Variants in TFR2 observed in about 807,000 individuals in gnomAD.
The protein encoded by TFR2 is transferrin receptor protein 2.
In TFR2, 64 loss-of-function variants were observed where a neutral mutation model predicts 91.9. That is an observed-to-expected ratio of 0.70 (90% CI 0.57 to 0.86). The LOEUF is 0.86. Ranked by LOEUF, TFR2 falls within the 40% of genes least tolerant of loss-of-function variation. The pLI is 0.00. For synonymous variants in TFR2, 454 were observed against 459.6 expected, an observed-to-expected ratio of 0.99 and a Z score of 0.15; for missense variants, 950 against 1,080.5, an observed-to-expected ratio of 0.88 and a Z score of 1.69.
In TFR2 at chr7:100,640,669, G is replaced by T; in HGVS notation, c.473+17C>A. ...GGAGGGACACTCGAGAACAGGATGG[G>T]GCAGGGCCATCCCTACCTGATGGTG... On this transcript the variant is annotated intron_variant, in intron 3 of 17. Transcript: ENST00000223051. 1 of 1,610,420 alleles carries T rather than the reference G, an allele frequency of 6.2e-7. No individual in the cohort carries two copies. The highest frequency in any genetic ancestry group is 8.5e-7 in the Non-Finnish European group (1 of 1,179,572).
chr7:100,631,074 A>G, intron 8 of TFR2, 22 bp from the exon 9 acceptor site: 1 of 1,537,264 alleles, frequency 6.5e-7, no homozygotes, highest in Non-Finnish European at 8.7e-7. Context: ...GAAGGCAGAA[A>G]GGGGGAAGTT....
chr7:100,629,134 G>T, intron 10 of TFR2, 119 bp downstream of exon 10: 2 of 1,310,116 alleles, frequency 1.5e-6, no homozygotes, highest in Non-Finnish European at 2.2e-6. Context: ...CAATGTGGAT[G>T]CCGAGGTCCA....
rs774991526 is a variant in TFR2 at position 100,629,299 on chromosome 7, A to G, written c.1344T>C (p.Ala448=). The G allele has an allele frequency of 7.9e-5, 128 of 1,613,990 alleles. No homozygotes were observed. Among genetic ancestry groups the G allele is most frequent in the Non-Finnish European group, 1.0e-4 (120 of 1,179,982 alleles). ...AGGTCCGCACCAGCTCCAGGAGTAT[A>G]GCCGTCCCCACAGCGGATTTAGCTG... ...PGAAKSAVGT[A]ILLELVRTFS... is the part of the protein sequence containing the mutation. Residue 448 remains alanine, a synonymous_variant, in exon 10 of 18, where the codon GCT becomes GCC. Coordinates refer to ENST00000223051, the MANE Select transcript of TFR2 (RefSeq NM_003227.4).
chr7:100,640,383 G>T, intron 3 of TFR2: 1 of 393,548 alleles, frequency 2.5e-6, no homozygotes, highest in East Asian at 4.5e-5. Context: ...CCTGGGTGAG[G>T]CATTCAAGGC....
chr7:100,641,311 TGGG>T, intron 1 of TFR2, 83 bp from the exon 2 acceptor site: 1 of 817,170 alleles, frequency 1.2e-6, no homozygotes, highest in Non-Finnish European at 1.6e-6. Context: ...GTCAGTGACT[TGGG>T]GGTGTCAAAT....
At chr7:100,628,693 C>T (rs1332222427) in intron 10 of TFR2, among the ~76,000 whole-genome samples, 5 of 152,102 alleles carry the variant, frequency 3.3e-5, no homozygotes, top group African/African-American at 1.2e-4. Flanking sequence ...TGAGCCATCA[C>T]GTCCAGCCCA....
rs1195559103 is a variant in TFR2, at chr7:100,633,680, G to C, written c.474-124C>G. Reference sequence around the variant, plus strand: ...CGAGGGGTTCCTGAGTTTAGGAAAAGAGCGCTCCCCGCGGACGCTTTTTTT... The same window carrying C: ...CGAGGGGTTCCTGAGTTTAGGAAAACAGCGCTCCCCGCGGACGCTTTTTTT... On this transcript the variant is annotated intron_variant, in intron 3 of 17. Coordinates refer to ENST00000223051, the MANE Select transcript of TFR2 (RefSeq NM_003227.4). The C allele has an allele frequency of 1.3e-4, 90 of 709,096 alleles. No homozygotes were observed. The African/African-American group carries it at 1.7e-3, about 13-fold the overall frequency. The allele number at this position is 709,096 out of a possible 1,614,324, so 43.9% of individuals were successfully genotyped here. A position where few individuals can be genotyped will look rare whatever the true frequency, so the allele number is the denominator to read the frequency against.
chr7:100,632,257 G>A, intron 6 of TFR2, 59 bp from the exon 7 acceptor site: 1 of 1,467,282 alleles, frequency 6.8e-7, no homozygotes, highest in Non-Finnish European at 9.6e-7. Flanking sequence ...CATAAGGGCA[G>A]GAGAAACCAG....
Position 100,637,821 on chromosome 7 carries a change from A to C in TFR2, c.473+2865T>G, listed in dbSNP as rs559004503. On this transcript the variant is annotated intron_variant, in intron 3 of 17. Coordinates refer to ENST00000223051, the MANE Select transcript of TFR2 (RefSeq NM_003227.4). ...GAGCAAGGCCCTGTCTCAAAAAAAA[A>C]TTAATGTAATTTAATTTTTTTTTTT... is the stretch of plus-strand genomic sequence containing the variant. Among the ~76,000 whole-genome samples, 13 of 110,722 alleles carry C rather than the reference A, an allele frequency of 1.2e-4. No homozygotes were observed. The South Asian group carries it at 3.7e-3, about 31-fold the overall frequency. The allele number at this position is 110,722 out of a possible 152,430, so 72.6% of individuals were successfully genotyped here. A position where few individuals can be genotyped will look rare whatever the true frequency, so the allele number is the denominator to read the frequency against.
Position 100,627,559 on chromosome 7 carries a change from AG to A in TFR2, c.1767+17del, listed in dbSNP as rs1043764677. The A allele has an allele frequency of 6.2e-7, 1 of 1,614,002 alleles. No individual in the cohort carries two copies. The highest frequency in any genetic ancestry group is 1.3e-5 in the African/African-American group (1 of 74,928). Reference sequence around the variant, plus strand: ...GAAGGACTAGCGCTGTGTCTGGGGCAGGGGGAGGACGTCTCACCTCCATAAA... The same window carrying A: ...GAAGGACTAGCGCTGTGTCTGGGGCAGGGGAGGACGTCTCACCTCCATAAA... On this transcript the variant is annotated intron_variant, in intron 15 of 17. Transcript: ENST00000223051.
At chr7:100,632,264 C>T in intron 6 of TFR2, 66 bp from the exon 7 acceptor site, 1 of 1,431,478 alleles carries the variant, frequency 7.0e-7, no homozygotes, top group Non-Finnish European at 9.9e-7. Flanking sequence ...GCAGGAGAAA[C>T]CAGGAAATGG....
intron 3 of TFR2, 87 bp from the exon 4 acceptor site, chr7:100,633,643 G>A (rs1803515413): frequency 6.7e-7 from 1 of 1,488,530 alleles, no homozygotes. Context: ...GGGTCGCCAG[G>A]GGCAGGGGCG....
chr7:100,626,356 T>C, intron 17 of TFR2: 1 of 718,846 alleles, frequency 1.4e-6, no homozygotes, highest in Non-Finnish European at 1.7e-6. Context: ...TTACTCTGAA[T>C]ATCTTTAGCC....
Position 100,641,002 on chromosome 7 carries a change from A to G in TFR2, c.260T>C (p.Leu87Pro). 1 of 1,606,156 alleles carries G rather than the reference A, an allele frequency of 6.2e-7. No homozygotes were observed. Among genetic ancestry groups the G allele is most frequent in the Non-Finnish European group, 8.5e-7 (1 of 1,174,926 alleles). The change falls in exon 2 of 18, where the codon CTG becomes CCG. Residue 87 changes from leucine (L) to proline (P), a missense_variant. Leu to Pro is a moderately conservative substitution (Grantham distance 98). Transcript: ENST00000223051. The part of the protein sequence containing the change: ...AGRRAAPYLV[L>P]TALLIFTGAF... Reference sequence around the variant, plus strand: ...CCCAGTGAAGATCAGCAGGGCCGTCAGGACCAGGTAGGGGGCAGCCCTCCG... The same window carrying G: ...CCCAGTGAAGATCAGCAGGGCCGTCGGGACCAGGTAGGGGGCAGCCCTCCG...
At chr7:100,622,419 A>C (rs925870976) in intron 17 of TFR2, among the ~76,000 whole-genome samples, 1 of 152,132 alleles carries the variant, frequency 6.6e-6, no homozygotes, top group Non-Finnish European at 1.5e-5. Flanking sequence ...GCCCACACTC[A>C]TGTGGCCCAT....
intron 17 of TFR2, among the ~76,000 whole-genome samples, chr7:100,623,048 G>C (rs1007407364): frequency 1.3e-5 from 2 of 152,052 alleles, no homozygotes; most frequent in African/African-American, 4.8e-5. Flanking sequence ...GCCAAGGTGG[G>C]TAGATCACGA....
intron 3 of TFR2, among the ~76,000 whole-genome samples, chr7:100,638,088 C>T (rs1428376475): frequency 6.6e-6 from 1 of 152,026 alleles, no homozygotes; most frequent in East Asian, 2.0e-4. Context: ...ACTGCAAGCT[C>T]CGCCTCCCGG....
chr7:100,622,474 C>A (rs2131305542), intron 17 of TFR2, among the ~76,000 whole-genome samples: 1 of 152,336 alleles, frequency 6.6e-6, no homozygotes, highest in South Asian at 2.1e-4. Flanking sequence ...GGGGAGTGAG[C>A]ATGGGGTGAG....
rs981316504 is a variant in TFR2, at chr7:100,626,705, T to C, written c.2136+58A>G. The C allele has an allele frequency of 3.4e-6, 5 of 1,474,112 alleles. No individual in the cohort carries two copies. In the African/African-American group the frequency reaches 8.7e-5, roughly 26 times the overall value. The allele number at this position is 1,474,112 out of a possible 1,614,324, so 91.3% of individuals were successfully genotyped here. ...CGCAGACGGGGCCAGGTCCAGGAGG[T>C]GGAGCCCCAGGGGAGGGGCGGGACA... On this transcript the variant is annotated intron_variant, in intron 17 of 17. Coordinates refer to ENST00000223051, the MANE Select transcript of TFR2 (RefSeq NM_003227.4).
Sources: gnomAD v4.1 joint callset for allele counts (sites outside exome capture counted in the v4.1 genomes callset) on GRCh38, gnomAD v4.1.1 for gene constraint, MANE v1.5 for transcripts, NCBI Gene and HGNC (gene_info 2026-07-23, HGNC 2026-07-21) for gene names.